Variants in MINDY2 observed in about 807,000 individuals in gnomAD.
The protein encoded by MINDY2 is ubiquitin carboxyl-terminal hydrolase MINDY-2.
In MINDY2, 52 loss-of-function variants were observed where a neutral mutation model predicts 68.2. That is an observed-to-expected ratio of 0.76 (90% confidence interval 0.61 to 0.96). The LOEUF is 0.96. MINDY2 is among the 40% of genes least tolerant of loss of function. MINDY2 has a pLI of 0.00. For missense variants in MINDY2, 881 were observed against 773.4 expected (o/e 1.14, Z -1.65); for synonymous variants, 372 against 303.0 (o/e 1.23, Z -2.36).
chr15:58,838,000 A>G (rs937012835), intron 6 of MINDY2, among the ~76,000 whole-genome samples: 3 of 149,714 alleles, frequency 2.0e-5, no homozygotes, highest in Non-Finnish European at 4.4e-5. Flanking sequence ...AGGAAAAATT[A>G]TATTTAATCG....
chr15:58,804,254 C>G (rs1902869608), intron 3 of MINDY2, among the ~76,000 whole-genome samples: 1 of 152,116 alleles, frequency 6.6e-6, no homozygotes. Flanking sequence ...ATAGAAACCT[C>G]TTTTCAAATG....
intron 3 of MINDY2, among the ~76,000 whole-genome samples, chr15:58,804,789 G>C (rs558366481): frequency 6.6e-6 from 1 of 151,618 alleles, no homozygotes; most frequent in South Asian, 2.1e-4. Context: ...CTGGACAACA[G>C]AGTGAGACCC....
intron 1 of MINDY2, among the ~76,000 whole-genome samples, chr15:58,773,510 G>C (rs560942306): frequency 1.3e-5 from 2 of 152,290 alleles, no homozygotes; most frequent in East Asian, 1.9e-4. Context: ...GTTTGAGGTG[G>C]CATCATTAAC....
At chr15:58,821,586 A>G (rs1169583728) in intron 4 of MINDY2, 131 bp from the exon 5 acceptor site, 9 of 379,642 alleles carry the variant, frequency 2.4e-5, no homozygotes, top group African/African-American at 1.9e-4. Context: ...TTTAGTGCTG[A>G]TTTTGTTTTT....
intron 2 of MINDY2, among the ~76,000 whole-genome samples, chr15:58,799,654 G>A (rs1488437213): frequency 2.6e-5 from 4 of 151,872 alleles, no homozygotes; most frequent in African/African-American, 9.7e-5. Flanking sequence ...ATACCTAGCT[G>A]AAGTACCCCA....
intron 3 of MINDY2, among the ~76,000 whole-genome samples, chr15:58,809,733 A>C (rs1321756328): frequency 2.0e-5 from 3 of 152,136 alleles, no homozygotes; most frequent in African/African-American, 7.2e-5. Context: ...ATACATGTTT[A>C]TCTCTCCCAA....
chr15:58,827,007 A>G (rs1354822288), intron 5 of MINDY2, among the ~76,000 whole-genome samples: 9 of 152,088 alleles, frequency 5.9e-5, no homozygotes, highest in African/African-American at 2.2e-4. Flanking sequence ...TCCACAGAAT[A>G]TTCCTCAATT....
At chr15:58,825,757 C>G (rs1304888466) in intron 5 of MINDY2, among the ~76,000 whole-genome samples, 1 of 152,146 alleles carries the variant, frequency 6.6e-6, no homozygotes, top group African/African-American at 2.4e-5. Context: ...AGGCTCACGC[C>G]ACCACGCTGG....
rs555908482 is a variant in MINDY2 at position 58,856,850 on chromosome 15, T to C, written c.*2240T>C. On this transcript the variant is annotated 3_prime_UTR_variant, in exon 9 of 9. Transcript: ENST00000559228. The stretch of plus-strand genomic sequence containing the variant: ...ATATTTTTTCATAATTATATACTTA[T>C]CTGTTTATTGCCCATGGAAAATATA... 6 of 152,364 alleles carry C rather than the reference T, an allele frequency of 3.9e-5. No homozygotes were observed. The highest frequency in any genetic ancestry group is 1.2e-4 in the African/African-American group (5 of 41,592). 9.4% of individuals were successfully genotyped at this position (152,364 alleles called of 1,614,324 possible).
chr15:58,779,321 C>T (rs1315084628), intron 1 of MINDY2, among the ~76,000 whole-genome samples: 1 of 152,216 alleles, frequency 6.6e-6, no homozygotes, highest in Non-Finnish European at 1.5e-5. Context: ...TGTCTCATCA[C>T]CTGCAAAGTG....
chr15:58,859,585 C>T lies in MINDY2; in HGVS notation c.*4975C>T, dbSNP rs1173222507. 2.0e-5 allele frequency: 3 copies of T among 152,146 alleles called. No individual in the cohort carries two copies. The highest frequency in any genetic ancestry group is 4.4e-5 in the Non-Finnish European group (3 of 68,024). The allele number at this position is 152,146 out of a possible 1,614,324, so 9.4% of individuals were successfully genotyped here. ...GAGAAAACATGAAGAATTGAGGTTA[C>T]TCTTCTCAGGTGACACTTTAAATAT... On this transcript the variant is annotated 3_prime_UTR_variant, in exon 9 of 9. Transcript: ENST00000559228.
intron 2 of MINDY2, among the ~76,000 whole-genome samples, chr15:58,798,447 A>G (rs1316535084): frequency 7.4e-6 from 1 of 136,054 alleles, no homozygotes; most frequent in Non-Finnish European, 1.5e-5. Flanking sequence ...TTTTTAATGC[A>G]GTAAAAAAAA....
intron 3 of MINDY2, among the ~76,000 whole-genome samples, chr15:58,806,905 A>G (rs1171747850): frequency 6.6e-6 from 1 of 152,238 alleles, no homozygotes; most frequent in Non-Finnish European, 1.5e-5. Context: ...ACAGTAGAAG[A>G]GATGAAACTG....
chr15:58,844,012 ATAT>A (rs1374435024), intron 6 of MINDY2, among the ~76,000 whole-genome samples: 6 of 151,780 alleles, frequency 4.0e-5, no homozygotes, highest in African/African-American at 1.2e-4. Flanking sequence ...AACCTATTCT[ATAT>A]TATTATTTAT....
intron 4 of MINDY2, among the ~76,000 whole-genome samples, chr15:58,819,151 GA>G (rs2140993528): frequency 6.6e-6 from 1 of 152,206 alleles, no homozygotes; most frequent in East Asian, 1.9e-4. Flanking sequence ...TAATTAAAAA[GA>G]AAAATTTTTT....
chr15:58,849,314 A>G lies in MINDY2; in HGVS notation c.1542+1844A>G, dbSNP rs535152503. On this transcript the variant is annotated intron_variant, in intron 7 of 8. Transcript: ENST00000559228. ...TCGGGAGATCAAGACCATCCTGGCT[A>G]ACATGGTGAAACCCCGTCTTTAATT... 1.2e-4 allele frequency among the ~76,000 whole-genome samples: 18 copies of G among 152,150 alleles called. No homozygotes were observed. In the South Asian group the frequency reaches 3.3e-3, roughly 28 times the overall value.
intron 1 of MINDY2, among the ~76,000 whole-genome samples, chr15:58,785,347 G>A (rs1385111516): frequency 6.6e-6 from 1 of 151,888 alleles, no homozygotes; most frequent in Non-Finnish European, 1.5e-5. Flanking sequence ...CGAAATATTT[G>A]TGTATTTGCT....
chr15:58,776,676 G>A (rs1446427718), intron 1 of MINDY2, among the ~76,000 whole-genome samples: 1 of 152,108 alleles, frequency 6.6e-6, no homozygotes, highest in East Asian at 1.9e-4. Flanking sequence ...CGTATTTTCT[G>A]AAGTAGTGGG....
intron 6 of MINDY2, among the ~76,000 whole-genome samples, chr15:58,838,625 T>C (rs1305300235): frequency 5.6e-5 from 8 of 142,718 alleles, no homozygotes. Flanking sequence ...CTCACTCTGT[T>C]GCCCAGACTG....
Sources: gnomAD v4.1 joint callset for allele counts (sites outside exome capture counted in the v4.1 genomes callset) on GRCh38, gnomAD v4.1.1 for gene constraint, MANE v1.5 for transcripts, NCBI Gene and HGNC (gene_info 2026-07-23, HGNC 2026-07-21) for gene names.